Variants in POFUT3 observed in about 807,000 individuals in gnomAD.
POFUT3 encodes GDP-fucose protein O-fucosyltransferase 3.
chr8:33,396,865 C>A, the POFUT3 span, among the ~76,000 whole-genome samples: 1 of 152,158 alleles, frequency 6.6e-6, no homozygotes, highest in Non-Finnish European at 1.5e-5. Flanking sequence ...CCACTGTGTT[C>A]TTGACACTTA....
chr8:33,438,535 T>C, the POFUT3 span, among the ~76,000 whole-genome samples: 3 of 152,188 alleles, frequency 2.0e-5, no homozygotes, highest in Non-Finnish European at 4.4e-5. Context: ...GCAGTGAGCA[T>C]TGTTTGCACC....
the POFUT3 span, among the ~76,000 whole-genome samples, chr8:33,349,148 T>C: frequency 6.6e-6 from 1 of 152,202 alleles, no homozygotes; most frequent in Non-Finnish European, 1.5e-5. Flanking sequence ...ACCCGTTGTA[T>C]TGGCTACCAG....
the POFUT3 span, chr8:33,461,669 T>C: frequency 6.6e-7 from 1 of 1,509,612 alleles, no homozygotes; most frequent in Non-Finnish European, 8.8e-7. Context: ...GCAGTCTTCT[T>C]AGGCTATCAT....
At chr8:33,419,565 C>T in the POFUT3 span, among the ~76,000 whole-genome samples, 1 of 152,212 alleles carries the variant, frequency 6.6e-6, no homozygotes, top group Admixed American at 6.5e-5. Context: ...AGCCTGGTTC[C>T]TAACAGGCCA....
the POFUT3 span, among the ~76,000 whole-genome samples, chr8:33,374,498 C>T: frequency 6.6e-6 from 1 of 152,160 alleles, no homozygotes; most frequent in Non-Finnish European, 1.5e-5. Flanking sequence ...TAATTACAGC[C>T]TGGTATCCCG....
the POFUT3 span, among the ~76,000 whole-genome samples, chr8:33,403,114 C>T: frequency 4.6e-5 from 7 of 151,238 alleles, no homozygotes; most frequent in East Asian, 5.8e-4. Flanking sequence ...TACTCAATAA[C>T]GAGAAATTCT....
the POFUT3 span, among the ~76,000 whole-genome samples, chr8:33,392,558 G>A: frequency 1.8e-4 from 27 of 152,244 alleles, 3 homozygotes; most frequent in African/African-American, 6.5e-4. Context: ...CAGCCTGGGT[G>A]ACAGAGCGAG....
the POFUT3 span, among the ~76,000 whole-genome samples, chr8:33,327,723 C>T: frequency 6.6e-6 from 1 of 152,184 alleles, no homozygotes; most frequent in African/African-American, 2.4e-5. Context: ...TAATGGAAAA[C>T]ACTGCACAAA....
At chr8:33,416,258 T>G in the POFUT3 span, among the ~76,000 whole-genome samples, 2 of 152,244 alleles carry the variant, frequency 1.3e-5, no homozygotes, top group East Asian at 3.8e-4. Context: ...AAAGTGGATA[T>G]CCACGTAGTA....
the POFUT3 span, among the ~76,000 whole-genome samples, chr8:33,324,124 G>A: frequency 2.6e-5 from 4 of 152,092 alleles, no homozygotes; most frequent in Non-Finnish European, 5.9e-5. Context: ...CCAGTCAGCT[G>A]GGATGTAGTA....
the POFUT3 span, among the ~76,000 whole-genome samples, chr8:33,324,586 G>A: frequency 6.6e-6 from 1 of 152,066 alleles, no homozygotes; most frequent in South Asian, 2.1e-4. Context: ...TAAAATGGAG[G>A]TAGTAATAGT....
the POFUT3 span, among the ~76,000 whole-genome samples, chr8:33,411,420 G>A: frequency 6.6e-6 from 1 of 152,162 alleles, no homozygotes; most frequent in East Asian, 1.9e-4. Context: ...TATCTCAAAA[G>A]GAAAAATACA....
chr8:33,449,069 G>A, the POFUT3 span, among the ~76,000 whole-genome samples: 1 of 152,116 alleles, frequency 6.6e-6, no homozygotes, highest in South Asian at 2.1e-4. Flanking sequence ...CACTGCACTA[G>A]GGAAGAGAAG....
At chr8:33,416,760 C>T in the POFUT3 span, among the ~76,000 whole-genome samples, 4 of 149,338 alleles carry the variant, frequency 2.7e-5, no homozygotes, top group Non-Finnish European at 5.9e-5. Flanking sequence ...GCAGGAGAAT[C>T]GCTTGAACCC....
chr8:33,400,493 A>G, the POFUT3 span, among the ~76,000 whole-genome samples: 8 of 152,036 alleles, frequency 5.3e-5, no homozygotes, highest in South Asian at 1.5e-3. Flanking sequence ...TATAAAATAA[A>G]TGGAGGGGTG....
chr8:33,415,214 A>C, the POFUT3 span, among the ~76,000 whole-genome samples: 1 of 152,182 alleles, frequency 6.6e-6, no homozygotes, highest in Non-Finnish European at 1.5e-5. Context: ...ATGAGCCAAG[A>C]TCACGTCACT....
the POFUT3 span, chr8:33,394,243 T>C: frequency 4.9e-6 from 1 of 204,002 alleles, no homozygotes; most frequent in Non-Finnish European, 1.0e-5. Context: ...AAGGTGGTGA[T>C]TCTTCTTGGG....
At chr8:33,330,449 A>T in the POFUT3 span, among the ~76,000 whole-genome samples, 1 of 152,178 alleles carries the variant, frequency 6.6e-6, no homozygotes, top group African/African-American at 2.4e-5. Context: ...ATCCCAAAAG[A>T]AAAACAACAA....
At chr8:33,357,529 TAC>T in the POFUT3 span, among the ~76,000 whole-genome samples, 1 of 151,340 alleles carries the variant, frequency 6.6e-6, no homozygotes, top group African/African-American at 2.4e-5. Context: ...TGTGTGTGTA[TAC>T]ATATATGTGT....
Sources: gnomAD v4.1 joint callset for allele counts (sites outside exome capture counted in the v4.1 genomes callset) on GRCh38, gnomAD v4.1.1 for gene constraint, MANE v1.5 for transcripts, NCBI Gene and HGNC (gene_info 2026-07-23, HGNC 2026-07-21) for gene names.